Variants in CXCL13 observed in about 807,000 individuals in gnomAD.
The protein encoded by CXCL13 is C-X-C motif chemokine 13.
In CXCL13, 7 loss-of-function variants were observed where a neutral mutation model predicts 12.2. The observed-to-expected ratio is 0.57, with a 90% CI of 0.33 to 1.07. The LOEUF is 1.07. Ranked by LOEUF, CXCL13 falls within the 50% of genes least tolerant of loss-of-function variation. The pLI is 0.04. For missense variants in CXCL13, 113 were observed against 127.4 expected (o/e 0.89, Z 0.55); for synonymous variants, 47 against 42.4 (o/e 1.11, Z -0.42).
At chr4:77,594,121 C>T (rs945492889) in intron 1 of CXCL13, among the ~76,000 whole-genome samples, 7 of 152,224 alleles carry the variant, frequency 4.6e-5, no homozygotes, top group African/African-American at 1.7e-4. Context: ...GGGGGCTCCA[C>T]ATTCCAGTGT....
intron 1 of CXCL13, among the ~76,000 whole-genome samples, chr4:77,553,865 G>A (rs1305183096): frequency 6.6e-6 from 1 of 152,062 alleles, no homozygotes; most frequent in African/African-American, 2.4e-5. Flanking sequence ...TAAACAAATT[G>A]AAATATCTAG....
At chr4:77,514,398 T>C (rs549580684) in intron 1 of CXCL13, among the ~76,000 whole-genome samples, 2 of 143,672 alleles carry the variant, frequency 1.4e-5, no homozygotes, top group African/African-American at 5.2e-5. Context: ...TCCACAATGG[T>C]TGAACTAGTT....
intron 1 of CXCL13, among the ~76,000 whole-genome samples, chr4:77,560,634 A>G (rs767826438): frequency 6.6e-6 from 1 of 152,180 alleles, no homozygotes. Flanking sequence ...CCAGTGCCTA[A>G]CAAAGCTTTC....
intron 1 of CXCL13, among the ~76,000 whole-genome samples, chr4:77,562,970 TC>T (rs1725848079): frequency 6.6e-6 from 1 of 152,008 alleles, no homozygotes; most frequent in African/African-American, 2.4e-5. Context: ...CCCCCATGGG[TC>T]CCCTTCCACA....
intron 1 of CXCL13, among the ~76,000 whole-genome samples, chr4:77,567,523 C>G (rs769262173): frequency 2.0e-5 from 3 of 152,148 alleles, no homozygotes; most frequent in Non-Finnish European, 2.9e-5. Flanking sequence ...CTGTTAACAA[C>G]TAAAGCAGCA....
chr4:77,574,008 G>T (rs1392136586), intron 1 of CXCL13, among the ~76,000 whole-genome samples: 1 of 151,910 alleles, frequency 6.6e-6, no homozygotes, highest in Non-Finnish European at 1.5e-5. Flanking sequence ...TATCTTTGAG[G>T]AAAACAAAGG....
chr4:77,521,326 G>C (rs923846692), intron 1 of CXCL13, among the ~76,000 whole-genome samples: 2 of 152,192 alleles, frequency 1.3e-5, no homozygotes, highest in Non-Finnish European at 2.9e-5. Flanking sequence ...GTAGAATTCA[G>C]CTGTGAATCC....
chr4:77,565,779 A>T (rs1344325979), intron 1 of CXCL13, among the ~76,000 whole-genome samples: 4 of 152,234 alleles, frequency 2.6e-5, no homozygotes, highest in Admixed American at 2.0e-4. Flanking sequence ...TTACAGAGGC[A>T]ATAGGAAGTG....
intron 1 of CXCL13, among the ~76,000 whole-genome samples, chr4:77,559,952 A>T (rs1262720193): frequency 6.6e-6 from 1 of 150,708 alleles, no homozygotes; most frequent in Non-Finnish European, 1.5e-5. Flanking sequence ...CTGACGCTCA[A>T]TGTGCTTTCC....
chr4:77,561,866 CT>C (rs1215504610), intron 1 of CXCL13, among the ~76,000 whole-genome samples: 1 of 152,200 alleles, frequency 6.6e-6, no homozygotes, highest in African/African-American at 2.4e-5. Context: ...CTGGCTCCCT[CT>C]GCTTGTGGGG....
intron 1 of CXCL13, among the ~76,000 whole-genome samples, chr4:77,573,889 TA>T (rs1360059774): frequency 6.6e-6 from 1 of 151,962 alleles, no homozygotes; most frequent in South Asian, 2.1e-4. Context: ...TGAGGGACAT[TA>T]GGGGTGATTC....
At chr4:77,588,193 G>A (rs1483311489) in intron 1 of CXCL13, among the ~76,000 whole-genome samples, 2 of 152,250 alleles carry the variant, frequency 1.3e-5, no homozygotes, top group African/African-American at 4.8e-5. Flanking sequence ...TTTTCCTGGA[G>A]GGCCATCCCC....
chr4:77,579,960 C>G (rs1444295324), intron 1 of CXCL13, among the ~76,000 whole-genome samples: 2 of 152,138 alleles, frequency 1.3e-5, no homozygotes, highest in Non-Finnish European at 2.9e-5. Context: ...TTCCTAACCA[C>G]AGGCCAGGCA....
chr4:77,604,345 C>G (rs183212404), upstream of CXCL13, among the ~76,000 whole-genome samples: 1 of 152,186 alleles, frequency 6.6e-6, no homozygotes, highest in Non-Finnish European at 1.5e-5. Flanking sequence ...AGCCTCCTTC[C>G]TCCTTCTGTC....
At chr4:77,602,014 TAA>T (rs764384605), upstream of CXCL13, among the ~76,000 whole-genome samples, 5 of 152,222 alleles carry the variant, frequency 3.3e-5, no homozygotes, top group Non-Finnish European at 5.9e-5. Flanking sequence ...CAGGATACAG[TAA>T]GTTTCTGTTT....
At chr4:77,543,803 T>C (rs1725263894) in intron 1 of CXCL13, among the ~76,000 whole-genome samples, 1 of 152,150 alleles carries the variant, frequency 6.6e-6, no homozygotes, top group Admixed American at 6.6e-5. Context: ...AATGTGCAGG[T>C]TTGTTACATA....
intron 1 of CXCL13, among the ~76,000 whole-genome samples, chr4:77,556,936 A>G (rs355678): frequency 0.86 from 130,905 of 152,144 alleles, 56,866 homozygotes; most frequent in East Asian, 0.98. Flanking sequence ...AAGATCACTT[A>G]AGCCCAGGAG....
At chr4:77,554,841 A>G (rs1376836029) in intron 1 of CXCL13, among the ~76,000 whole-genome samples, 1 of 152,108 alleles carries the variant, frequency 6.6e-6, no homozygotes, top group Admixed American at 6.5e-5. Flanking sequence ...TGTATTATAG[A>G]TCATATCACA....
intron 1 of CXCL13, among the ~76,000 whole-genome samples, chr4:77,579,924 A>G (rs1403260917): frequency 1.3e-5 from 2 of 152,184 alleles, no homozygotes; most frequent in Non-Finnish European, 2.9e-5. Flanking sequence ...AAAAATAGCT[A>G]TGCCAATCCA....
Sources: gnomAD v4.1 joint callset for allele counts (sites outside exome capture counted in the v4.1 genomes callset) on GRCh38, gnomAD v4.1.1 for gene constraint, MANE v1.5 for transcripts, NCBI Gene and HGNC (gene_info 2026-07-23, HGNC 2026-07-21) for gene names.